The following NMNAT2 variants were observed in gnomAD, a reference collection of about 807,000 sequenced individuals.
The protein encoded by NMNAT2 is nicotinamide/nicotinic acid mononucleotide adenylyltransferase 2.
NMNAT2 carries 11 observed loss-of-function variants against 41.6 expected under a neutral mutation model. That is an observed-to-expected ratio of 0.26 (90% confidence interval 0.17 to 0.44). NMNAT2 has a LOEUF of 0.44. NMNAT2 is among the 20% of genes least tolerant of loss of function. NMNAT2 has a pLI of 1.00. For synonymous variants in NMNAT2, 148 were observed against 151.2 expected, an observed-to-expected ratio of 0.98 and a Z score of 0.16; for missense variants, 288 against 407.7, an observed-to-expected ratio of 0.71 and a Z score of 2.53.
At chr1:183,310,116 A>G (rs144442262) in intron 1 of NMNAT2, among the ~76,000 whole-genome samples, 3 of 152,350 alleles carry the variant, frequency 2.0e-5, no homozygotes, top group African/African-American at 7.2e-5. Flanking sequence ...GTTAAAGAAG[A>G]AGGAGAAAGA....
chr1:183,286,794 G>T lies in NMNAT2; in HGVS notation c.322-6C>A. 1 of 1,606,074 alleles carries T rather than the reference G, an allele frequency of 6.2e-7. No individual in the cohort carries two copies. The highest frequency in any genetic ancestry group is 8.5e-7 in the Non-Finnish European group (1 of 1,176,212). ...AGGATGCAGCCAGTCACCCTCTAGG[G>T]AGAGAGAGAAGAGTGTTATTAGTCA... is the stretch of plus-strand genomic sequence containing the variant. On this transcript the variant is annotated splice_region_variant and splice_polypyrimidine_tract_variant and intron_variant, in intron 4 of 10. Coordinates refer to ENST00000287713, the MANE Select transcript of NMNAT2 (RefSeq NM_015039.4).
chr1:183,259,581 G>A (rs1660604399), intron 10 of NMNAT2, among the ~76,000 whole-genome samples: 1 of 152,038 alleles, frequency 6.6e-6, no homozygotes, highest in Non-Finnish European at 1.5e-5. Context: ...CTCTTTCTGT[G>A]AGCTTGTCCA....
intron 1 of NMNAT2, among the ~76,000 whole-genome samples, chr1:183,362,812 C>T (rs1441853523): frequency 6.6e-6 from 1 of 152,090 alleles, no homozygotes; most frequent in Non-Finnish European, 1.5e-5. Context: ...TATGGTAAGT[C>T]TATGTTTAAC....
At position 183,290,147 on chromosome 1, in the gene NMNAT2, T is replaced by C. The variant is rs1661502314; in HGVS notation, c.302A>G (p.His101Arg). 1.9e-6 allele frequency: 3 copies of C among 1,583,460 alleles called. No individual in the cohort carries two copies. Among genetic ancestry groups the C allele is most frequent in the Non-Finnish European group, 2.6e-6 (3 of 1,163,512 alleles). The change falls in exon 4 of 11, where the codon CAC becomes CGC. Residue 101 changes from histidine (H) to arginine (R), a missense_variant. Transcript: ENST00000287713. ...GCTCACCTTCATGAGGTCCCGGTGG[T>C]GTTCCAACACGCTGCAGGTCGTCTG... ...TWQTTCSVLE[H>R]HRDLMKRVTG...
intron 1 of NMNAT2, among the ~76,000 whole-genome samples, chr1:183,344,444 T>G (rs1662883513): frequency 6.6e-6 from 1 of 152,180 alleles, no homozygotes; most frequent in African/African-American, 2.4e-5. Context: ...ATGCCTGATA[T>G]CCATATAATT....
chr1:183,353,750 G>A (rs775333350), intron 1 of NMNAT2, among the ~76,000 whole-genome samples: 10 of 152,118 alleles, frequency 6.6e-5, no homozygotes, highest in Non-Finnish European at 1.3e-4. Context: ...AAAAGAGGTG[G>A]CATTACCATT....
intron 1 of NMNAT2, among the ~76,000 whole-genome samples, chr1:183,412,431 G>C (rs1052556469): frequency 1.3e-5 from 2 of 152,188 alleles, no homozygotes; most frequent in Admixed American, 1.3e-4. Context: ...CACCTTGTTA[G>C]CCAGGATGGT....
At chr1:183,310,476 T>C (rs1662088512) in intron 1 of NMNAT2, among the ~76,000 whole-genome samples, 1 of 152,180 alleles carries the variant, frequency 6.6e-6, no homozygotes, top group African/African-American at 2.4e-5. Flanking sequence ...CCTGCTCTGG[T>C]CCCTCTCATG....
intron 1 of NMNAT2, among the ~76,000 whole-genome samples, chr1:183,402,995 G>T (rs1383063841): frequency 6.7e-6 from 1 of 149,452 alleles, no homozygotes; most frequent in Admixed American, 6.7e-5. Context: ...GTGCAAGGAC[G>T]TGATCTCGGC....
rs1356366759 is a variant in NMNAT2 at position 183,248,404 on chromosome 1, T to C, written c.*4237A>G. The stretch of plus-strand genomic sequence containing the variant: ...GAATTGATTTCCATAAAGCAAATCT[T>C]ACTCTTAAAATGGCAGATTATGTGA... On this transcript the variant is annotated 3_prime_UTR_variant, in exon 11 of 11. Transcript: ENST00000287713. The C allele has an allele frequency of 6.6e-6, 1 of 152,662 alleles. No individual in the cohort carries two copies. The highest frequency in any genetic ancestry group is 6.5e-5 in the Admixed American group (1 of 15,282). The allele number at this position is 152,662 out of a possible 1,614,324, so 9.5% of individuals were successfully genotyped here.
At chr1:183,362,189 T>G (rs1663320930) in intron 1 of NMNAT2, among the ~76,000 whole-genome samples, 1 of 152,190 alleles carries the variant, frequency 6.6e-6, no homozygotes, top group Non-Finnish European at 1.5e-5. Context: ...TCCACCTGCC[T>G]CAGCCTCCCA....
intron 1 of NMNAT2, among the ~76,000 whole-genome samples, chr1:183,374,727 A>G (rs1177284248): frequency 1.3e-5 from 2 of 152,116 alleles, no homozygotes; most frequent in Non-Finnish European, 2.9e-5. Flanking sequence ...CTAAGAGAGG[A>G]ACATCAGATG....
intron 1 of NMNAT2, among the ~76,000 whole-genome samples, chr1:183,376,120 C>T (rs1663673738): frequency 6.6e-6 from 1 of 152,108 alleles, no homozygotes; most frequent in South Asian, 2.1e-4. Context: ...TCTTGACATC[C>T]AGTTCTGTTC....
chr1:183,279,582 G>T (rs561575900), intron 7 of NMNAT2, among the ~76,000 whole-genome samples: 1 of 152,322 alleles, frequency 6.6e-6, no homozygotes, highest in East Asian at 1.9e-4. Flanking sequence ...AGACAGAGAA[G>T]CTGCGGGCAG....
At chr1:183,365,908 C>A (rs1343576848) in intron 1 of NMNAT2, among the ~76,000 whole-genome samples, 1 of 152,208 alleles carries the variant, frequency 6.6e-6, no homozygotes, top group Non-Finnish European at 1.5e-5. Flanking sequence ...GCACAGACTG[C>A]AGATAAACCA....
chr1:183,346,800 T>C (rs1359366560), intron 1 of NMNAT2, among the ~76,000 whole-genome samples: 2 of 152,196 alleles, frequency 1.3e-5, no homozygotes, highest in Non-Finnish European at 2.9e-5. Context: ...GAATCACAAA[T>C]AAATGCCAAT....
In NMNAT2 at chr1:183,267,082, C is replaced by T. The variant is rs554122789; in HGVS notation, c.652-5779G>A. 11 of 166,160 alleles carry T rather than the reference C, an allele frequency of 6.6e-5. No individual in the cohort carries two copies. The South Asian group carries it at 1.8e-3, about 27-fold the overall frequency. The allele number at this position is 166,160 out of a possible 1,614,324, so 10.3% of individuals were successfully genotyped here. On this transcript the variant is annotated intron_variant, in intron 8 of 10. Coordinates refer to ENST00000287713, the MANE Select transcript of NMNAT2 (RefSeq NM_015039.4). ...TGAAAGAAGTGGTCAATAAATTGAT[C>T]CCAGACAGCATTGGAAAACAGAAAA...
chr1:183,363,649 G>A (rs1040639433), intron 1 of NMNAT2, among the ~76,000 whole-genome samples: 4 of 151,992 alleles, frequency 2.6e-5, no homozygotes, highest in Admixed American at 1.3e-4. Flanking sequence ...AATACAAACT[G>A]TTTCAGTAGC....
At chr1:183,396,755 C>T (rs1458160848) in intron 1 of NMNAT2, among the ~76,000 whole-genome samples, 1 of 152,164 alleles carries the variant, frequency 6.6e-6, no homozygotes, top group Non-Finnish European at 1.5e-5. Flanking sequence ...GTGTACTTTA[C>T]TTCCTTTCAC....
Sources: allele counts gnomAD v4.1 joint callset (sites outside exome capture counted in the v4.1 genomes callset), GRCh38; gene constraint gnomAD v4.1.1; transcripts MANE v1.5; gene names NCBI Gene and HGNC (gene_info 2026-07-23, HGNC 2026-07-21).